BTRC: variants seen among roughly 807,000 people sequenced by gnomAD.
BTRC encodes F-box/WD repeat-containing protein 1A.
Under a neutral mutation model 85.5 loss-of-function variants are expected in BTRC, and 42 were observed. The ratio of observed to expected loss-of-function variants is 0.49; its 90% CI spans 0.38 to 0.64. The LOEUF (loss-of-function observed/expected upper bound fraction) is 0.64. Among genes scored for constraint, BTRC ranks in the 30% least tolerant of loss-of-function variants. The pLI is 0.00. For missense variants in BTRC, 594 were observed against 743.5 expected, an observed-to-expected ratio of 0.80 and a Z score of 2.34; for synonymous variants, 255 against 263.3, an observed-to-expected ratio of 0.97 and a Z score of 0.30.
chr10:101,507,151 CTTTTTTCCCA>C (rs1384202811), intron 4 of BTRC, among the ~76,000 whole-genome samples: 2 of 152,150 alleles, frequency 1.3e-5, no homozygotes, highest in African/African-American at 4.8e-5. Context: ...ATCACTGGGG[CTTTTTTCCCA>C]TTTTTTCCCA....
chr10:101,407,089 G>A (rs1464985085), intron 1 of BTRC, among the ~76,000 whole-genome samples: 1 of 152,162 alleles, frequency 6.6e-6, no homozygotes. Flanking sequence ...TGGGCAAGGT[G>A]GCTCATGCTT....
intron 2 of BTRC, among the ~76,000 whole-genome samples, chr10:101,454,748 C>T (rs1945031888): frequency 6.6e-6 from 1 of 152,180 alleles, no homozygotes; most frequent in Admixed American, 6.5e-5. Context: ...TGTCATTACA[C>T]TCCAGCCTGA....
chr10:101,533,336 T>C (rs185746754), intron 9 of BTRC, among the ~76,000 whole-genome samples: 46 of 152,352 alleles, frequency 3.0e-4, no homozygotes, highest in Non-Finnish European at 6.3e-4. Flanking sequence ...CTTATCCTTA[T>C]GGTAAACTTT....
intron 14 of BTRC, among the ~76,000 whole-genome samples, chr10:101,551,394 C>T (rs2134485437): frequency 6.6e-6 from 1 of 152,264 alleles, no homozygotes; most frequent in Admixed American, 6.5e-5. Context: ...TTTTATATCC[C>T]TATCCCTATT....
chr10:101,547,476 G>A (rs1034805307), intron 13 of BTRC, among the ~76,000 whole-genome samples: 2 of 151,610 alleles, frequency 1.3e-5, no homozygotes, highest in African/African-American at 4.8e-5. Context: ...GAGTAGCTGG[G>A]ATTACGGGTG....
intron 1 of BTRC, among the ~76,000 whole-genome samples, chr10:101,411,885 C>T (rs1943789814): frequency 6.6e-6 from 1 of 152,082 alleles, no homozygotes; most frequent in South Asian, 2.1e-4. Flanking sequence ...TTTTGGTGCT[C>T]TTAAGTTTTT....
chr10:101,373,717 A>G (rs1942706082), intron 1 of BTRC, among the ~76,000 whole-genome samples: 1 of 152,132 alleles, frequency 6.6e-6, no homozygotes, highest in Non-Finnish European at 1.5e-5. Context: ...GGAGATCGAG[A>G]CCATCCTGGC....
chr10:101,456,019 A>ACACACACACACAC (rs1564784013), intron 2 of BTRC, among the ~76,000 whole-genome samples: 1 of 6,780 alleles, frequency 1.5e-4, no homozygotes, highest in Non-Finnish European at 3.8e-4. Context: ...CACACACACA[A>ACACACACACACAC]AATTAGCTGG....
At chr10:101,541,874 G>T (rs941709983) in intron 13 of BTRC, among the ~76,000 whole-genome samples, 2 of 152,220 alleles carry the variant, frequency 1.3e-5, no homozygotes, top group East Asian at 3.9e-4. Context: ...ATCTGTGTTT[G>T]TAAGGGATAT....
chr10:101,485,363 T>G lies in BTRC; in HGVS notation c.324+5906T>G, dbSNP rs115628195. 7.0e-3 allele frequency among the ~76,000 whole-genome samples: 1,073 copies of G among 152,324 alleles called. 11 individuals carry two copies. The highest frequency in any genetic ancestry group is 0.022 in the African/African-American group (933 of 41,566). On this transcript the variant is annotated intron_variant, in intron 4 of 14. Transcript: ENST00000370187. Reference sequence around the variant, plus strand: ...AATGTGTTTAAAACTTTGCCCTGAGTGGGCATCAGACTGGCTGTTTTTAAG... The same window carrying G: ...AATGTGTTTAAAACTTTGCCCTGAGGGGGCATCAGACTGGCTGTTTTTAAG...
rs1946309008 is a variant in BTRC at position 101,498,054 on chromosome 10, T to C, written c.324+18597T>C. Among the ~76,000 whole-genome samples, 7 of 152,204 alleles carry C rather than the reference T, an allele frequency of 4.6e-5. 1 individual carries two copies. The South Asian group carries it at 1.5e-3, about 32-fold the overall frequency. Reference sequence around the variant, plus strand: ...AATTAATTAAAGTTGAGATATATATTGACATATACAGAGAGAGTGATTTTG... The same window carrying C: ...AATTAATTAAAGTTGAGATATATATCGACATATACAGAGAGAGTGATTTTG... On this transcript the variant is annotated intron_variant, in intron 4 of 14. Transcript: ENST00000370187.
chr10:101,390,612 G>A (rs1227684246), intron 1 of BTRC, among the ~76,000 whole-genome samples: 7 of 152,110 alleles, frequency 4.6e-5, no homozygotes, highest in South Asian at 4.2e-4. Context: ...GATTACAGGC[G>A]TGAGCCACCA....
At chr10:101,540,696 T>C (rs1011757933) in intron 13 of BTRC, among the ~76,000 whole-genome samples, 1 of 152,162 alleles carries the variant, frequency 6.6e-6, no homozygotes, top group Admixed American at 6.5e-5. Context: ...GGGGTCTCAG[T>C]GTGTTGCCCA....
intron 3 of BTRC, among the ~76,000 whole-genome samples, chr10:101,479,033 C>G (rs1424008530): frequency 6.6e-6 from 1 of 151,508 alleles, no homozygotes; most frequent in Middle Eastern, 3.2e-3. Context: ...AAAAATAAAT[C>G]TTTTCTCAGA....
At position 101,527,790 on chromosome 10, in the gene BTRC, T is replaced by TA. The variant is rs1564827303; in HGVS notation, c.743+1591_743+1592insA. 7.0e-4 allele frequency among the ~76,000 whole-genome samples: 87 copies of TA among 125,032 alleles called. 1 individual carries two copies. The highest frequency in any genetic ancestry group is 1.1e-3 in the Admixed American group (14 of 12,612). 82.0% of individuals were successfully genotyped at this position (125,032 alleles called of 152,430 possible). On this transcript the variant is annotated intron_variant, in intron 6 of 14. Transcript: ENST00000370187. ...CTCTCTCTCTCTCTCTCTCTCTCTC[T>TA]CACATACACACACACACACACACAC... is the stretch of plus-strand genomic sequence containing the variant.
chr10:101,375,343 G>T (rs946858851), intron 1 of BTRC, among the ~76,000 whole-genome samples: 1 of 151,786 alleles, frequency 6.6e-6, no homozygotes, highest in African/African-American at 2.4e-5. Context: ...GCCTTCTCCC[G>T]TGATTTTAAG....
chr10:101,455,822 G>A (rs1945060693), intron 2 of BTRC, among the ~76,000 whole-genome samples: 1 of 152,072 alleles, frequency 6.6e-6, no homozygotes, highest in South Asian at 2.1e-4. Context: ...AAAGGCTTTT[G>A]AACAGGAAAG....
intron 3 of BTRC, among the ~76,000 whole-genome samples, 195 bp from the exon 4 acceptor site, chr10:101,479,173 G>A (rs1945771920): frequency 6.6e-6 from 1 of 151,474 alleles, no homozygotes. Context: ...ACTTGTTCAT[G>A]GGCACATCAG....
At chr10:101,501,372 C>T (rs1368110087) in intron 4 of BTRC, among the ~76,000 whole-genome samples, 2 of 152,232 alleles carry the variant, frequency 1.3e-5, no homozygotes, top group East Asian at 1.9e-4. Flanking sequence ...TCCACTCACT[C>T]ATGTTACACA....
Sources: allele counts gnomAD v4.1 joint callset (sites outside exome capture counted in the v4.1 genomes callset), GRCh38; gene constraint gnomAD v4.1.1; transcripts MANE v1.5; gene names NCBI Gene and HGNC (gene_info 2026-07-23, HGNC 2026-07-21).